MYSM1: variants seen among roughly 807,000 people sequenced by gnomAD.
MYSM1 encodes the protein Myb like, SWIRM and MPN domains 1.
In MYSM1, 51 loss-of-function variants were observed where a neutral mutation model predicts 116.0. The observed-to-expected ratio is 0.44, with a 90% confidence interval of 0.35 to 0.56. MYSM1 has a LOEUF of 0.56. MYSM1 is among the 20% of genes least tolerant of loss of function. MYSM1 has a pLI of 0.00. For missense variants in MYSM1, 900 were observed against 974.9 expected (o/e 0.92, Z 1.02); for synonymous variants, 313 against 315.2 (o/e 0.99, Z 0.07).
intron 11 of MYSM1, 84 bp downstream of exon 11, chr1:58,673,489 T>C: frequency 8.8e-7 from 1 of 1,135,268 alleles, no homozygotes. Flanking sequence ...ATGAAACAAG[T>C]ACAATACATA....
intron 7 of MYSM1, among the ~76,000 whole-genome samples, chr1:58,684,394 T>C (rs1368193937): frequency 2.0e-5 from 3 of 151,518 alleles, no homozygotes; most frequent in African/African-American, 7.3e-5. Context: ...TGAAACCCCG[T>C]CTCTACTAAA....
intron 17 of MYSM1, 152 bp from the exon 18 acceptor site, chr1:58,661,663 A>C (rs771958073): frequency 1.9e-6 from 1 of 539,902 alleles, no homozygotes; most frequent in Non-Finnish European, 3.3e-6. Flanking sequence ...CATTCATTAA[A>C]TATTTATTGC....
intron 12 of MYSM1, among the ~76,000 whole-genome samples, chr1:58,670,249 C>CCAAG (rs1644540278): frequency 6.6e-6 from 1 of 151,944 alleles, no homozygotes; most frequent in Admixed American, 6.6e-5. Flanking sequence ...AAACTGAAGG[C>CCAAG]CAAGATAGAT....
At position 58,680,432 on chromosome 1, in the gene MYSM1, A is replaced by G. The variant is rs1008433815; in HGVS notation, c.1259+1353T>C. ...CTTTAACAACTATAAAGCACTATGTAAAGTCAGGAGTTGTTCCTTGCAAGT... is the reference window on the plus strand; with the variant it reads ...CTTTAACAACTATAAAGCACTATGTGAAGTCAGGAGTTGTTCCTTGCAAGT... On this transcript the variant is annotated intron_variant, in intron 8 of 19. Transcript: ENST00000472487. Among the ~76,000 whole-genome samples, 11 of 152,346 alleles carry G rather than the reference A, an allele frequency of 7.2e-5. No individual in the cohort carries two copies. The East Asian group carries it at 2.1e-3, about 29-fold the overall frequency.
chr1:58,673,670 A>G lies in MYSM1; in HGVS notation c.1495-20T>C. ...TGTACGCTGCGATGAGATTAAAGTA[A>G]AGCAAAAGGTAGCAAGATTAATATG... On this transcript the variant is annotated intron_variant, in intron 10 of 19. Transcript: ENST00000472487. 6.2e-7 allele frequency: 1 copy of G among 1,603,502 alleles called. No homozygotes were observed. Among genetic ancestry groups the G allele is most frequent in the Non-Finnish European group, 8.5e-7 (1 of 1,171,002 alleles).
chr1:58,670,815 TTAA>T (rs1409374129), intron 12 of MYSM1, among the ~76,000 whole-genome samples: 1 of 152,172 alleles, frequency 6.6e-6, no homozygotes, highest in Non-Finnish European at 1.5e-5. Flanking sequence ...TATTGAAATG[TTAA>T]TGATACAGTG....
chr1:58,692,054 A>G (rs1644912996), intron 3 of MYSM1, among the ~76,000 whole-genome samples: 1 of 152,214 alleles, frequency 6.6e-6, no homozygotes, highest in South Asian at 2.1e-4. Flanking sequence ...ATTTTAAATT[A>G]TATGTGACTT....
intron 14 of MYSM1, 54 bp from the exon 15 acceptor site, chr1:58,667,975 G>A (rs1164804747): frequency 1.7e-5 from 20 of 1,198,592 alleles, no homozygotes; most frequent in Middle Eastern, 1.9e-4. Context: ...ACCTGACAAA[G>A]TAACAAAACT....
At position 58,671,952 on chromosome 1, in the gene MYSM1, A is replaced by G; in HGVS notation, c.1579T>C (p.Ser527Pro). The G allele has an allele frequency of 1.2e-6, 2 of 1,612,644 alleles. No homozygotes were observed. Among genetic ancestry groups the G allele is most frequent in the Non-Finnish European group, 1.7e-6 (2 of 1,179,446 alleles). Residue 527 changes from serine to proline, a missense_variant, in exon 12 of 20, where the codon TCT becomes CCT. This residue lies in a region of MYSM1 where 622 missense variants were observed against 623.7 expected (regional missense o/e 1.00). Transcript: ENST00000472487. The part of the protein sequence containing the change: ...DLEGQTFEHL[S>P]AEELAKRREE... ...CTTCTTTTTGCCAACTCCTCAGCAG[A>G]GAGATGCTAAAACAAAATGCCAATT...
At chr1:58,684,513 C>T (rs973842464) in intron 7 of MYSM1, among the ~76,000 whole-genome samples, 7 of 143,080 alleles carry the variant, frequency 4.9e-5, no homozygotes, top group Admixed American at 2.9e-4. Flanking sequence ...TGCAGTGAGC[C>T]GAGATCGCAC....
chr1:58,696,126 T>C (rs1042726544), intron 1 of MYSM1, among the ~76,000 whole-genome samples: 46 of 152,198 alleles, frequency 3.0e-4, no homozygotes, highest in African/African-American at 1.1e-3. Context: ...TGATGGTAAA[T>C]AGATTTAATC....
At chr1:58,661,146 C>A in intron 19 of MYSM1, 24 bp downstream of exon 19, 5 of 1,584,578 alleles carry the variant, frequency 3.2e-6, no homozygotes, top group Admixed American at 1.7e-5. Context: ...AACAATGGAA[C>A]CAATTAAAAT....
chr1:58,685,152 C>A lies in MYSM1; in HGVS notation c.498+1G>T. The A allele has an allele frequency of 6.3e-7, 1 of 1,577,858 alleles. No individual in the cohort carries two copies. Among genetic ancestry groups the A allele is most frequent in the Non-Finnish European group, 8.6e-7 (1 of 1,166,290 alleles). ...AACCAGGATACTGATATTCTGCTTA[C>A]CTTATTTTTAAAATACTGTCTTGCA... On this transcript the variant is annotated splice_donor_variant, in intron 7 of 19. Coordinates refer to ENST00000472487, the MANE Select transcript of MYSM1 (RefSeq NM_001085487.3). LOFTEE classifies it high-confidence loss of function.
At chr1:58,684,932 A>C (rs1569779871) in intron 7 of MYSM1, among the ~76,000 whole-genome samples, 1 of 152,206 alleles carries the variant, frequency 6.6e-6, no homozygotes, top group Non-Finnish European at 1.5e-5. Flanking sequence ...TATTTTGTCC[A>C]TTTAACTTTA....
chr1:58,661,177 A>C lies in MYSM1; in HGVS notation c.2321T>G (p.Leu774Trp). The C allele has an allele frequency of 1.2e-6, 2 of 1,612,716 alleles. No homozygotes were observed. The highest frequency in any genetic ancestry group is 1.7e-6 in the Non-Finnish European group (2 of 1,178,872). ...IFRRDSDLTC[L>W]QKLLECMRKT... ...AAAATGAAGACAGCTTACTTTCTGCAAACAAGTCAGGTCAGAATCCCGGCG... is the reference window on the plus strand; with the variant it reads ...AAAATGAAGACAGCTTACTTTCTGCCAACAAGTCAGGTCAGAATCCCGGCG... Residue 774 changes from leucine (L) to tryptophan (W), a missense_variant, in exon 19 of 20, where the codon TTG (leucine) becomes TGG (tryptophan). Physicochemically the swap from Leu to Trp is moderately conservative, Grantham distance 61 (BLOSUM62 -2). Coordinates refer to ENST00000472487, the MANE Select transcript of MYSM1 (RefSeq NM_001085487.3).
intron 8 of MYSM1, among the ~76,000 whole-genome samples, 159 bp downstream of exon 8, chr1:58,681,626 G>A (rs928823450): frequency 4.6e-5 from 7 of 152,152 alleles, no homozygotes; most frequent in African/African-American, 1.4e-4. Flanking sequence ...AGGTGATAAT[G>A]TTTACCAAAG....
intron 7 of MYSM1, among the ~76,000 whole-genome samples, chr1:58,684,288 G>A (rs889990106): frequency 9.9e-5 from 15 of 152,050 alleles, no homozygotes; most frequent in African/African-American, 3.1e-4. Context: ...ATTCTAGGCC[G>A]GGCACGGTGG....
At chr1:58,664,215 T>C (rs1167727160) in intron 17 of MYSM1, among the ~76,000 whole-genome samples, 1 of 152,206 alleles carries the variant, frequency 6.6e-6, no homozygotes, top group Non-Finnish European at 1.5e-5. Flanking sequence ...AGTCAGATGA[T>C]GATTTAAAGA....
rs1211734164 is a variant in MYSM1 at position 58,655,571 on chromosome 1, T to C, written c.*4426A>G. 6.6e-6 allele frequency: 1 copy of C among 152,036 alleles called. No individual in the cohort carries two copies. Among genetic ancestry groups the C allele is most frequent in the Non-Finnish European group, 1.5e-5 (1 of 68,006 alleles). The allele number at this position is 152,036 out of a possible 1,614,324, so 9.4% of individuals were successfully genotyped here. A position where few individuals can be genotyped will look rare whatever the true frequency, so the allele number is the denominator to read the frequency against. On this transcript the variant is annotated 3_prime_UTR_variant, in exon 20 of 20. Coordinates refer to ENST00000472487, the MANE Select transcript of MYSM1 (RefSeq NM_001085487.3). ...GATAGACTCAGAATATACTAGAAAG[T>C]ATAATTATAGGTTAAATAAAAAAGA...
Sources: allele counts gnomAD v4.1 joint callset (sites outside exome capture counted in the v4.1 genomes callset), GRCh38; gene constraint gnomAD v4.1.1; regional missense constraint gnomAD v4.1.1; transcripts MANE v1.5; gene names NCBI Gene and HGNC (gene_info 2026-07-23, HGNC 2026-07-21).